Variants in PPHLN1 observed in about 807,000 individuals in gnomAD.
PPHLN1 encodes the protein periphilin-1.
In PPHLN1, 29 loss-of-function variants were observed where a neutral mutation model predicts 51.3. The observed-to-expected ratio is 0.57, with a 90% confidence interval of 0.42 to 0.77. The LOEUF (loss-of-function observed/expected upper bound fraction) is 0.77. Ranked by LOEUF, PPHLN1 falls within the 30% of genes least tolerant of loss-of-function variation. PPHLN1 has a pLI of 0.00. For missense variants in PPHLN1, 436 were observed against 438.4 expected (o/e 0.99, Z 0.05); for synonymous variants, 147 against 147.8 (o/e 0.99, Z 0.04).
intron 6 of PPHLN1, among the ~76,000 whole-genome samples, chr12:42,385,238 T>C (rs1844350950): frequency 6.6e-6 from 1 of 152,206 alleles, no homozygotes; most frequent in Non-Finnish European, 1.5e-5. Context: ...AGACAGGCCA[T>C]TGGAAGATAG....
chr12:42,365,421 C>T (rs2075160572), intron 4 of PPHLN1, among the ~76,000 whole-genome samples: 2 of 152,128 alleles, frequency 1.3e-5, no homozygotes, highest in African/African-American at 2.4e-5. Flanking sequence ...TCTTCCCTTC[C>T]CTTGTATCCC....
At chr12:42,444,788 C>G (rs530024393), downstream of PPHLN1, 2 of 451,240 alleles carry the variant, frequency 4.4e-6, no homozygotes, top group Non-Finnish European at 7.9e-6. Context: ...TACTTCAGTT[C>G]TTATCTAGTA....
chr12:42,405,232 C>T (rs1350813667), intron 9 of PPHLN1, among the ~76,000 whole-genome samples: 1 of 152,074 alleles, frequency 6.6e-6, no homozygotes, highest in African/African-American at 2.4e-5. Context: ...TCATACTTTC[C>T]CCTTCATCTG....
rs1367674737 is a variant in PPHLN1, at chr12:42,430,491, TTTTGGTTTTG to T, written c.910-10820_910-10811del. ...ACATATTACATATACTATATTCTTTTTTTGGTTTTGTTTTGTTTTGTTTTTTTGAGACGGA... is the reference window on the plus strand; with the variant it reads ...ACATATTACATATACTATATTCTTTTTTTTGTTTTGTTTTTTTGAGACGGA... On this transcript the variant is annotated intron_variant, in intron 9 of 9. Coordinates refer to ENST00000358314, the MANE Select transcript of PPHLN1 (RefSeq NM_201439.2). Among the ~76,000 whole-genome samples, 34 of 149,796 alleles carry T rather than the reference TTTTGGTTTTG, an allele frequency of 2.3e-4. No individual in the cohort carries two copies. In the South Asian group the frequency reaches 7.0e-3, roughly 31 times the overall value.
At chr12:42,446,861 A>G, downstream of PPHLN1, 1 of 437,626 alleles carries the variant, frequency 2.3e-6, no homozygotes, top group Non-Finnish European at 4.0e-6. Context: ...GTAGCAAGGG[A>G]GTGTAAAGGA....
At chr12:42,355,090 G>C (rs532699787) in intron 3 of PPHLN1, 71 bp from the exon 4 acceptor site, 2 of 1,382,480 alleles carry the variant, frequency 1.4e-6, no homozygotes, top group East Asian at 4.6e-5. Flanking sequence ...GTTTCTGGTA[G>C]TATTGTTAGA....
intron 6 of PPHLN1, 86 bp downstream of exon 6, chr12:42,385,082 A>G (rs1212594808): frequency 7.4e-6 from 10 of 1,343,656 alleles, no homozygotes; most frequent in African/African-American, 2.9e-5. Context: ...GGGAAAGTGT[A>G]TAACTGCTCC....
intron 4 of PPHLN1, among the ~76,000 whole-genome samples, chr12:42,371,413 C>G (rs1046996622): frequency 6.6e-5 from 10 of 152,124 alleles, no homozygotes; most frequent in Admixed American, 3.3e-4. Flanking sequence ...CCACTGCACC[C>G]GGCCAACTCC....
At chr12:42,326,296 T>C (rs1469915331) in intron 1 of PPHLN1, 67 bp downstream of exon 1, 1 of 149,354 alleles carries the variant, frequency 6.7e-6, no homozygotes, top group Non-Finnish European at 1.5e-5. Flanking sequence ...CGGGGGGGAG[T>C]GGGCGGGAGT....
At chr12:42,430,130 C>G (rs923673188) in intron 9 of PPHLN1, among the ~76,000 whole-genome samples, 8 of 152,124 alleles carry the variant, frequency 5.3e-5, no homozygotes, top group Admixed American at 2.6e-4. Context: ...CAGCCTACCC[C>G]CTTGACCTCT....
At chr12:42,343,668 T>G (rs1208157063) in intron 2 of PPHLN1, 1 of 203,782 alleles carries the variant, frequency 4.9e-6, no homozygotes, top group Non-Finnish European at 1.0e-5. Flanking sequence ...TTTAGTAATG[T>G]TCCCTTCTGT....
chr12:42,411,341 T>C (rs1222357345), intron 9 of PPHLN1, among the ~76,000 whole-genome samples: 1 of 152,036 alleles, frequency 6.6e-6, no homozygotes, highest in Non-Finnish European at 1.5e-5. Flanking sequence ...ACTGCCGCAG[T>C]TACTACTTGA....
At chr12:42,430,948 T>C (rs141542424) in intron 9 of PPHLN1, among the ~76,000 whole-genome samples, 155 of 152,374 alleles carry the variant, frequency 1.0e-3, no homozygotes, top group African/African-American at 3.6e-3. Context: ...AGAATAAGCC[T>C]TCTGGAAATT....
At chr12:42,445,908 A>G (rs2083288063), downstream of PPHLN1, 5 of 1,445,588 alleles carry the variant, frequency 3.5e-6, no homozygotes, top group Non-Finnish European at 4.6e-6. Flanking sequence ...ATAGTAATAT[A>G]TGGCATGGTC....
chr12:42,399,168 G>A, intron 9 of PPHLN1, 174 bp downstream of exon 9: 3 of 1,333,828 alleles, frequency 2.2e-6, no homozygotes, highest in African/African-American at 1.5e-5. Context: ...GATCAGTATG[G>A]TCCCCCACCT....
rs149564937 is a variant in PPHLN1 at position 42,400,775 on chromosome 12, TTCTCTC to T, written c.909+1797_909+1802del. ...AGACCCTGTCTCTCTCTCTCTCTCTTTCTCTCTCTCTCTCTCTCTCTTTCACACACA... is the reference window on the plus strand; with the variant it reads ...AGACCCTGTCTCTCTCTCTCTCTCTTTCTCTCTCTCTCTCTTTCACACACA... On this transcript the variant is annotated intron_variant, in intron 9 of 9. Transcript: ENST00000358314. Among the ~76,000 whole-genome samples the T allele has an allele frequency of 7.3e-3, 923 of 125,598 alleles. 11 individuals carry two copies. The highest frequency in any genetic ancestry group is 0.026 in the African/African-American group (867 of 33,536). The allele number at this position is 125,598 out of a possible 152,430, so 82.4% of individuals were successfully genotyped here.
chr12:42,335,804 G>T lies in PPHLN1; in HGVS notation c.-20-79G>T, dbSNP rs866970320. The T allele has an allele frequency of 7.7e-6, 5 of 651,998 alleles. No individual in the cohort carries two copies. The Middle Eastern group carries it at 1.4e-3, about 185-fold the overall frequency. The allele number at this position is 651,998 out of a possible 1,614,324, so 40.4% of individuals were successfully genotyped here. A position where few individuals can be genotyped will look rare whatever the true frequency, so the allele number is the denominator to read the frequency against. ...AGATCTCTGGAAAATATTTGTGTTGGAAAGTAATCATTTACTCCTTCCTTA... is the reference window on the plus strand; with the variant it reads ...AGATCTCTGGAAAATATTTGTGTTGTAAAGTAATCATTTACTCCTTCCTTA... On this transcript the variant is annotated intron_variant, in intron 1 of 9. Coordinates refer to ENST00000358314, the MANE Select transcript of PPHLN1 (RefSeq NM_201439.2).
intron 9 of PPHLN1, among the ~76,000 whole-genome samples, chr12:42,438,690 C>A (rs2082685190): frequency 6.6e-6 from 1 of 152,212 alleles, no homozygotes; most frequent in South Asian, 2.1e-4. Flanking sequence ...CAACCCCTGC[C>A]TCCCAGGTTC....
chr12:42,380,344 C>T (rs113942660), intron 5 of PPHLN1, among the ~76,000 whole-genome samples: 2 of 151,994 alleles, frequency 1.3e-5, no homozygotes, highest in African/African-American at 4.8e-5. Flanking sequence ...TAACTTTGGG[C>T]CTAGCTTCCC....
Sources: gnomAD v4.1 joint callset for allele counts (sites outside exome capture counted in the v4.1 genomes callset) on GRCh38, gnomAD v4.1.1 for gene constraint, MANE v1.5 for transcripts, NCBI Gene and HGNC (gene_info 2026-07-23, HGNC 2026-07-21) for gene names.